SLC30A4: variants seen among roughly 807,000 people sequenced by gnomAD.
The protein encoded by SLC30A4 is solute carrier family 30 member 4.
A neutral mutation model predicts 41.7 loss-of-function variants in SLC30A4; 20 were observed. That is an observed-to-expected ratio of 0.48 (90% CI 0.34 to 0.70). The LOEUF (loss-of-function observed/expected upper bound fraction) is 0.70, where lower values mean the gene tolerates loss of function less well. Ranked by LOEUF, SLC30A4 falls within the 30% of genes least tolerant of loss-of-function variation. SLC30A4 has a pLI of 0.01. For missense variants in SLC30A4, 441 were observed against 529.3 expected (o/e 0.83, Z 1.64); for synonymous variants, 181 against 195.9 (o/e 0.92, Z 0.64).
intron 3 of SLC30A4, 74 bp from the exon 4 acceptor site, chr15:45,490,955 T>C: frequency 1.0e-6 from 1 of 956,814 alleles, no homozygotes; most frequent in Non-Finnish European, 1.5e-6. Flanking sequence ...AAATATTATA[T>C]AGTCTTTTTT....
intron 3 of SLC30A4, among the ~76,000 whole-genome samples, chr15:45,507,277 G>A (rs1311925939): frequency 3.3e-5 from 5 of 150,588 alleles, no homozygotes; most frequent in South Asian, 2.1e-4. Flanking sequence ...CCGAGACCGC[G>A]CCATTGCACT....
intron 3 of SLC30A4, chr15:45,497,195 G>C (rs1417689177): frequency 6.6e-6 from 1 of 152,100 alleles, no homozygotes; most frequent in Non-Finnish European, 1.5e-5. Flanking sequence ...AGCCTCCCGA[G>C]TAGCTGGAAT....
In SLC30A4 at chr15:45,480,047, T is replaced by C. The variant is rs1321696213; in HGVS notation, c.*5116A>G. On this transcript the variant is annotated 3_prime_UTR_variant, in exon 8 of 8. Transcript: ENST00000261867. The stretch of plus-strand genomic sequence containing the variant: ...ATAAACTTTCCAAATATACAGTATC[T>C]TCCAGGTAGAAAGATGACATACTGG... The C allele has an allele frequency of 6.6e-6, 1 of 152,200 alleles. No individual in the cohort carries two copies. The highest frequency in any genetic ancestry group is 6.6e-5 in the Admixed American group (1 of 15,264). 9.4% of individuals were successfully genotyped at this position (152,200 alleles called of 1,614,324 possible). A position where few individuals can be genotyped will look rare whatever the true frequency, so the allele number is the denominator to read the frequency against.
intron 3 of SLC30A4, among the ~76,000 whole-genome samples, chr15:45,496,288 G>T (rs1004267174): frequency 6.6e-6 from 1 of 152,080 alleles, no homozygotes; most frequent in Non-Finnish European, 1.5e-5. Flanking sequence ...ATGGAATGCA[G>T]ATAAAAACGG....
At chr15:45,509,248 C>CTTTT (rs879266404) in intron 3 of SLC30A4, among the ~76,000 whole-genome samples, 3 of 133,314 alleles carry the variant, frequency 2.3e-5, no homozygotes, top group African/African-American at 8.2e-5. Flanking sequence ...GGAACACATT[C>CTTTT]TTTTTTTTTT....
At chr15:45,496,201 A>T (rs535992816) in intron 3 of SLC30A4, among the ~76,000 whole-genome samples, 5 of 152,224 alleles carry the variant, frequency 3.3e-5, no homozygotes, top group African/African-American at 4.8e-5. Context: ...ATTTGAATAC[A>T]TTAAGCTTTG....
intron 3 of SLC30A4, among the ~76,000 whole-genome samples, chr15:45,498,491 T>A (rs1236217110): frequency 6.6e-6 from 1 of 152,142 alleles, no homozygotes; most frequent in Non-Finnish European, 1.5e-5. Context: ...CATAGAGGAT[T>A]TTCAGTGGCC....
chr15:45,504,707 A>C (rs1892112253), intron 3 of SLC30A4, among the ~76,000 whole-genome samples: 1 of 152,224 alleles, frequency 6.6e-6, no homozygotes, highest in Admixed American at 6.5e-5. Flanking sequence ...TTACTTTACA[A>C]ATATTAACTC....
In SLC30A4 at chr15:45,522,412, C is replaced by G; in HGVS notation, c.-58G>C. On this transcript the variant is annotated 5_prime_UTR_variant, in exon 2 of 8. Coordinates refer to ENST00000261867, the MANE Select transcript of SLC30A4 (RefSeq NM_013309.6). ...CTTGGGGGAGGCGGACGGCCGGCGG[C>G]GCCTACTTCACCGGAGCGCCAGTTC... is the stretch of plus-strand genomic sequence containing the variant. 6.7e-7 allele frequency: 1 copy of G among 1,499,674 alleles called. No homozygotes were observed. Among genetic ancestry groups the G allele is most frequent in the South Asian group, 1.3e-5 (1 of 75,558 alleles). 92.9% of individuals were successfully genotyped at this position (1,499,674 alleles called of 1,614,324 possible).
At chr15:45,492,405 T>G (rs1370782412) in intron 3 of SLC30A4, among the ~76,000 whole-genome samples, 1 of 151,814 alleles carries the variant, frequency 6.6e-6, no homozygotes, top group Admixed American at 6.6e-5. Flanking sequence ...GTACTAGAAG[T>G]TTAGGGGATT....
At chr15:45,520,466 G>A (rs191199935) in intron 2 of SLC30A4, among the ~76,000 whole-genome samples, 2 of 152,206 alleles carry the variant, frequency 1.3e-5, no homozygotes, top group African/African-American at 4.8e-5. Flanking sequence ...GTAGAGACAA[G>A]GTTTCACCAT....
chr15:45,512,774 G>A (rs1892338276), intron 2 of SLC30A4, among the ~76,000 whole-genome samples: 1 of 152,164 alleles, frequency 6.6e-6, no homozygotes, highest in African/African-American at 2.4e-5. Flanking sequence ...GAAATGTTCT[G>A]TATCTGAGCT....
At chr15:45,501,325 A>G (rs1158389611) in intron 3 of SLC30A4, among the ~76,000 whole-genome samples, 1 of 151,992 alleles carries the variant, frequency 6.6e-6, no homozygotes, top group African/African-American at 2.4e-5. Flanking sequence ...AAAATTATGG[A>G]AAAATGTTTT....
intron 3 of SLC30A4, among the ~76,000 whole-genome samples, chr15:45,506,149 G>T (rs1248917071): frequency 6.6e-6 from 1 of 152,112 alleles, no homozygotes; most frequent in African/African-American, 2.4e-5. Flanking sequence ...AGCCTAGGAG[G>T]TCAAGGATGC....
intron 3 of SLC30A4, among the ~76,000 whole-genome samples, chr15:45,496,491 A>G (rs974683048): frequency 4.6e-5 from 7 of 152,202 alleles, no homozygotes; most frequent in African/African-American, 1.4e-4. Context: ...AAAGAGACTC[A>G]GGAACTTTCA....
At chr15:45,497,446 G>C (rs763496103) in intron 3 of SLC30A4, among the ~76,000 whole-genome samples, 15 of 152,174 alleles carry the variant, frequency 9.9e-5, no homozygotes, top group Non-Finnish European at 1.8e-4. Context: ...GGCTGAACTG[G>C]AGCATGAGAG....
At chr15:45,510,477 C>T (rs374937754) in intron 3 of SLC30A4, among the ~76,000 whole-genome samples, 18 of 152,126 alleles carry the variant, frequency 1.2e-4, no homozygotes, top group African/African-American at 3.9e-4. Flanking sequence ...CTTTTGGGTT[C>T]TACTTTTGAG....
intron 4 of SLC30A4, 103 bp downstream of exon 4, chr15:45,490,625 T>C (rs1891793311): frequency 1.4e-6 from 1 of 721,238 alleles, no homozygotes; most frequent in Admixed American, 3.2e-5. Context: ...AGTTATATCA[T>C]TTTTAAAATA....
rs1252714154 is a variant in SLC30A4 at position 45,512,128 on chromosome 15, T to C, written c.392-844A>G. Among the ~76,000 whole-genome samples the C allele has an allele frequency of 1.3e-5, 2 of 152,208 alleles. 1 individual carries two copies. Among genetic ancestry groups the C allele is most frequent in the Non-Finnish European group, 2.9e-5 (2 of 68,046 alleles). The stretch of plus-strand genomic sequence containing the variant: ...AGTATTTAGGATACAATTTTTGTTA[T>C]CGATTTTCCAGGCATTTAATATATA... On this transcript the variant is annotated intron_variant, in intron 2 of 7. Coordinates refer to ENST00000261867, the MANE Select transcript of SLC30A4 (RefSeq NM_013309.6).
Sources: allele counts gnomAD v4.1 joint callset (sites outside exome capture counted in the v4.1 genomes callset), GRCh38; gene constraint gnomAD v4.1.1; transcripts MANE v1.5; gene names NCBI Gene and HGNC (gene_info 2026-07-23, HGNC 2026-07-21).